Variants in SLF2 observed in about 807,000 individuals in gnomAD.
SLF2 encodes the protein SMC5-SMC6 complex localization factor protein 2.
A neutral mutation model predicts 124.3 loss-of-function variants in SLF2; 68 were observed. The observed-to-expected ratio is 0.55, with a 90% CI of 0.45 to 0.67. The LOEUF (loss-of-function observed/expected upper bound fraction) is 0.67. Among genes scored for constraint, SLF2 ranks in the 30% least tolerant of loss-of-function variants. The pLI, the probability that SLF2 is intolerant of heterozygous loss-of-function variation, is 0.00. For missense variants in SLF2, 1,246 were observed against 1,373.7 expected (o/e 0.91, Z 1.47); for synonymous variants, 480 against 478.8 (o/e 1.00, Z -0.03).
intron 14 of SLF2, 122 bp downstream of exon 14, chr10:100,947,258 T>C: frequency 1.8e-6 from 1 of 540,916 alleles, no homozygotes. Flanking sequence ...TTATTTCATA[T>C]TCAGTTGCGA....
At chr10:100,944,979 G>A (rs1036924794) in intron 12 of SLF2, among the ~76,000 whole-genome samples, 7 of 151,382 alleles carry the variant, frequency 4.6e-5, no homozygotes, top group African/African-American at 7.3e-5. Flanking sequence ...GCAGTAAGCC[G>A]AGATCACACC....
intron 5 of SLF2, 48 bp from the exon 6 acceptor site, chr10:100,925,898 GTTC>G (rs1236835887): frequency 2.0e-6 from 3 of 1,503,450 alleles, no homozygotes; most frequent in South Asian, 1.3e-5. Flanking sequence ...AAACATCCCA[GTTC>G]TTCTACTAAG....
intron 15 of SLF2, among the ~76,000 whole-genome samples, chr10:100,949,433 T>TG (rs1651014958): frequency 6.6e-6 from 1 of 152,236 alleles, no homozygotes; most frequent in African/African-American, 2.4e-5. Flanking sequence ...CACAACTTCT[T>TG]GTAGTTCTTC....
chr10:100,958,773 A>G (rs1406511872), intron 18 of SLF2, among the ~76,000 whole-genome samples: 1 of 152,244 alleles, frequency 6.6e-6, no homozygotes, highest in East Asian at 1.9e-4. Context: ...TGTTGAAAAC[A>G]TGTTTCTCAA....
At chr10:100,957,330 ATTTTTTTTTTTTTTTTTTTTTTTTTTT>A (rs71013477) in intron 18 of SLF2, among the ~76,000 whole-genome samples, 1 of 91,866 alleles carries the variant, frequency 1.1e-5, no homozygotes, top group East Asian at 6.5e-4. Context: ...GGAGTCTTCA[ATTTTTTTTTTTTTTTTTTTTTTTTTTT>A]TTTTTTTTTT....
chr10:100,952,662 G>A (rs1052635125), intron 17 of SLF2, among the ~76,000 whole-genome samples: 6 of 152,068 alleles, frequency 3.9e-5, no homozygotes, highest in South Asian at 4.2e-4. Flanking sequence ...TTTGCGGTTG[G>A]GCACAGTGGC....
intron 11 of SLF2, among the ~76,000 whole-genome samples, chr10:100,940,311 G>A (rs1361973597): frequency 6.6e-6 from 1 of 152,210 alleles, no homozygotes; most frequent in Non-Finnish European, 1.5e-5. Flanking sequence ...AATGAGTGCT[G>A]TGTAACAAAA....
At chr10:100,938,432 A>G (rs570232474) in intron 10 of SLF2, among the ~76,000 whole-genome samples, 163 bp from the exon 11 acceptor site, 3 of 152,286 alleles carry the variant, frequency 2.0e-5, no homozygotes, top group South Asian at 4.2e-4. Context: ...GGAATCTGTA[A>G]TTCCTATGAT....
At chr10:100,942,074 C>T (rs997281138) in intron 11 of SLF2, among the ~76,000 whole-genome samples, 87 of 152,206 alleles carry the variant, frequency 5.7e-4, no homozygotes, top group African/African-American at 1.8e-3. Flanking sequence ...ACACTTCTGG[C>T]ATCAAATATA....
rs1849721744 is a variant in SLF2, at chr10:100,930,982, A to G, written c.2340A>G (p.Gly780=). The G allele has an allele frequency of 6.2e-6, 10 of 1,613,418 alleles. No homozygotes were observed. The highest frequency in any genetic ancestry group is 8.5e-6 in the Non-Finnish European group (10 of 1,179,428). The change falls in exon 9 of 20, where the codon GGA becomes GGG. Residue 780 remains glycine, a synonymous_variant. Transcript: ENST00000238961. ...SAVEKLILKS[G]KTDQIFLTTQ... ...TTTTACTTTATTTTTTCAGATCGGG[A>G]AAAACAGATCAGATTTTTTTGACAA... is the stretch of plus-strand genomic sequence containing the variant.
intron 4 of SLF2, among the ~76,000 whole-genome samples, chr10:100,921,295 C>T (rs1849519976): frequency 6.6e-6 from 1 of 152,152 alleles, no homozygotes; most frequent in Admixed American, 6.5e-5. Flanking sequence ...AGCTCACTTG[C>T]AGCACTGAAC....
chr10:100,947,562 A>G lies in SLF2; in HGVS notation c.3033-198A>G, dbSNP rs1850128053. On this transcript the variant is annotated intron_variant, in intron 14 of 19. Coordinates refer to ENST00000238961, the MANE Select transcript of SLF2 (RefSeq NM_018121.4). ...CGTTAAATGATTTATTGAGCTTCAGATAACTCAAGTTTTATGTACAGATAT... is the reference window on the plus strand; with the variant it reads ...CGTTAAATGATTTATTGAGCTTCAGGTAACTCAAGTTTTATGTACAGATAT... 2.0e-5 allele frequency among the ~76,000 whole-genome samples: 3 copies of G among 152,298 alleles called. No individual in the cohort carries two copies. The East Asian group carries it at 5.8e-4, about 29-fold the overall frequency.
chr10:100,930,604 G>A (rs1472297975), intron 8 of SLF2, among the ~76,000 whole-genome samples: 1 of 152,176 alleles, frequency 6.6e-6, no homozygotes, highest in Non-Finnish European at 1.5e-5. Flanking sequence ...CTCCACCACA[G>A]TGCCCAAACT....
intron 7 of SLF2, among the ~76,000 whole-genome samples, 163 bp downstream of exon 7, chr10:100,929,602 C>T (rs1326482764): frequency 1.3e-5 from 2 of 152,128 alleles, no homozygotes; most frequent in African/African-American, 4.8e-5. Context: ...CAGGTTTCAT[C>T]TTTTATCTTT....
intron 9 of SLF2, among the ~76,000 whole-genome samples, chr10:100,931,780 T>C (rs1849740434): frequency 6.6e-6 from 1 of 151,884 alleles, no homozygotes; most frequent in Non-Finnish European, 1.5e-5. Flanking sequence ...GATCATGAGG[T>C]CAGGAGCTGG....
intron 7 of SLF2, among the ~76,000 whole-genome samples, 166 bp from the exon 8 acceptor site, chr10:100,929,664 A>G (rs1447262066): frequency 6.6e-6 from 1 of 152,212 alleles, no homozygotes; most frequent in East Asian, 1.9e-4. Flanking sequence ...GCTTTTGACT[A>G]ACAACTACAA....
At chr10:100,917,420 T>G in intron 3 of SLF2, 120 bp downstream of exon 3, 7 of 1,139,888 alleles carry the variant, frequency 6.1e-6, no homozygotes, top group Non-Finnish European at 7.2e-6. Context: ...GAAATACTTA[T>G]GCACAGTTTG....
chr10:100,919,803 G>A (rs1319542463), intron 4 of SLF2, among the ~76,000 whole-genome samples: 2 of 152,146 alleles, frequency 1.3e-5, no homozygotes, highest in African/African-American at 4.8e-5. Flanking sequence ...CTTCTAATTC[G>A]TTTGAACCTC....
In SLF2 at chr10:100,930,851, A is replaced by C; in HGVS notation, c.2334-125A>C. On this transcript the variant is annotated intron_variant, in intron 8 of 19. Coordinates refer to ENST00000238961, the MANE Select transcript of SLF2 (RefSeq NM_018121.4). ...ACTCATCCATATTGGTATAGAGTCC[A>C]CCTCTATGGACTGAAGACAGTTTGC... 12 of 704,292 alleles carry C rather than the reference A, an allele frequency of 1.7e-5. No individual in the cohort carries two copies. In the South Asian group the frequency reaches 2.1e-4, roughly 12 times the overall value. The allele number at this position is 704,292 out of a possible 1,614,324, so 43.6% of individuals were successfully genotyped here. A position where few individuals can be genotyped will look rare whatever the true frequency, so the allele number is the denominator to read the frequency against.
Sources: allele counts gnomAD v4.1 joint callset (sites outside exome capture counted in the v4.1 genomes callset), GRCh38; gene constraint gnomAD v4.1.1; transcripts MANE v1.5; gene names NCBI Gene and HGNC (gene_info 2026-07-23, HGNC 2026-07-21).